ANK2: variants seen among roughly 807,000 people sequenced by gnomAD.
ANK2 encodes ankyrin-2.
A neutral mutation model predicts 360.5 loss-of-function variants in ANK2; 83 were observed. That is an observed-to-expected ratio of 0.23 (90% CI 0.19 to 0.28). The LOEUF is 0.28. Ranked by LOEUF, ANK2 falls within the 10% of genes least tolerant of loss-of-function variation. ANK2 has a pLI of 1.00. For missense variants in ANK2, 4,201 were observed against 4,795.7 expected (o/e 0.88, Z 3.66); for synonymous variants, 1,740 against 1,759.5 (o/e 0.99, Z 0.28).
intron 26 of ANK2, among the ~76,000 whole-genome samples, chr4:113,326,475 T>C (rs2090002585): frequency 1.4e-5 from 2 of 147,344 alleles, no homozygotes. Flanking sequence ...TTGTTTAGAG[T>C]ATTTTCTTGC....
chr4:113,353,255 G>A lies in ANK2; in HGVS notation c.4637G>A (p.Gly1546Glu). The stretch of plus-strand genomic sequence containing the variant: ...GTGAAGGCTGCTGAGGAAGAGCCAG[G>A]AGAGCCTTTTGAAATCGTTGAAAGA... ...ELVKAAEEEP[G>E]EPFEIVERVK... Residue 1546 changes from glycine (G) to glutamate (E), a missense_variant, in exon 38 of 46, where the codon GGA becomes GAA. Transcript: ENST00000357077. 3 of 1,613,996 alleles carry A rather than the reference G, an allele frequency of 1.9e-6. No homozygotes were observed. The highest frequency in any genetic ancestry group is 2.5e-6 in the Non-Finnish European group (3 of 1,179,950).
At chr4:112,753,071 C>T in the ANK2 span, among the ~76,000 whole-genome samples, 2 of 152,218 alleles carry the variant, frequency 1.3e-5, no homozygotes, top group Non-Finnish European at 2.9e-5. Context: ...TGGTCTCTCC[C>T]TCTTCCCAGG....
intron 1 of ANK2, among the ~76,000 whole-genome samples, chr4:113,121,274 A>G (rs2095334996): frequency 6.6e-6 from 1 of 152,188 alleles, no homozygotes; most frequent in Non-Finnish European, 1.5e-5. Context: ...CAGAGTTGGG[A>G]TTTGAATCCA....
At chr4:113,352,550 G>T (rs934652427) in intron 37 of ANK2, among the ~76,000 whole-genome samples, 15 of 152,082 alleles carry the variant, frequency 9.9e-5, no homozygotes, top group Non-Finnish European at 2.1e-4. Flanking sequence ...ATCATTAGAT[G>T]TTATTCTGAG....
At chr4:112,846,122 T>G (rs748586561) in intron 1 of ANK2, among the ~76,000 whole-genome samples, 2 of 152,096 alleles carry the variant, frequency 1.3e-5, no homozygotes, top group African/African-American at 2.4e-5. Context: ...TTTTTCTTTC[T>G]TTCTTTTTTT....
intron 1 of ANK2, among the ~76,000 whole-genome samples, chr4:112,898,889 C>T (rs1428421346): frequency 6.6e-6 from 1 of 152,090 alleles, no homozygotes; most frequent in East Asian, 1.9e-4. Context: ...TGTGTCAGCT[C>T]CATGAAGAAA....
chr4:113,247,740 T>C (rs191060583), intron 9 of ANK2, among the ~76,000 whole-genome samples: 8 of 152,334 alleles, frequency 5.3e-5, no homozygotes, highest in Non-Finnish European at 1.0e-4. Context: ...TGAGATTCAC[T>C]GCAGGGTTCC....
chr4:112,983,398 C>T (rs866728865), intron 2 of ANK2, among the ~76,000 whole-genome samples: 1 of 151,080 alleles, frequency 6.6e-6, no homozygotes, highest in Non-Finnish European at 1.5e-5. Context: ...AAAAAGAGGC[C>T]GGGCGCAGTG....
rs991383574 is a variant in ANK2 at position 113,139,483 on chromosome 4, G to A, written c.85-34933G>A. On this transcript the variant is annotated intron_variant, in intron 1 of 45. Transcript: ENST00000357077. ...ACCCTCTCTTCAAAAAAGCTGTGGG[G>A]AAGCCCCTGCTTTAGTAGTTCATCA... is the stretch of plus-strand genomic sequence containing the variant. 7.2e-5 allele frequency among the ~76,000 whole-genome samples: 11 copies of A among 152,180 alleles called. 1 individual carries two copies. The highest frequency in any genetic ancestry group is 2.9e-5 in the Non-Finnish European group (2 of 68,030).
intron 13 of ANK2, among the ~76,000 whole-genome samples, 200 bp from the exon 14 acceptor site, chr4:113,264,697 G>C (rs1189009503): frequency 2.1e-5 from 3 of 143,510 alleles, no homozygotes; most frequent in African/African-American, 7.8e-5. Context: ...ACTCCAGCCT[G>C]AGCAACAAGA....
chr4:113,111,701 G>A (rs1056792396), intron 1 of ANK2, among the ~76,000 whole-genome samples: 2 of 151,728 alleles, frequency 1.3e-5, no homozygotes, highest in Non-Finnish European at 2.9e-5. Flanking sequence ...TATATTTTTT[G>A]GAAAAAAAAC....
intron 1 of ANK2, among the ~76,000 whole-genome samples, chr4:113,147,461 C>G (rs1325373187): frequency 6.6e-6 from 1 of 152,034 alleles, no homozygotes; most frequent in Non-Finnish European, 1.5e-5. Flanking sequence ...ATTAATATAG[C>G]CTGTTAGTCA....
chr4:113,160,692 A>G (rs2097501936), intron 1 of ANK2, among the ~76,000 whole-genome samples: 1 of 152,204 alleles, frequency 6.6e-6, no homozygotes, highest in Admixed American at 6.5e-5. Context: ...TGAATAAGTC[A>G]TGGACTATTT....
chr4:112,865,588 T>C (rs979902857), intron 1 of ANK2, among the ~76,000 whole-genome samples: 1 of 152,120 alleles, frequency 6.6e-6, no homozygotes, highest in Non-Finnish European at 1.5e-5. Context: ...GAAAACAACA[T>C]GTGGTGTGGA....
the ANK2 span, among the ~76,000 whole-genome samples, chr4:112,806,420 A>G: frequency 9.8e-3 from 1,492 of 152,276 alleles, 22 homozygotes; most frequent in African/African-American, 0.033. Context: ...CACTGTGTGT[A>G]TATATACTAC....
At chr4:112,993,043 G>A (rs1169177422) in intron 2 of ANK2, among the ~76,000 whole-genome samples, 2 of 152,184 alleles carry the variant, frequency 1.3e-5, no homozygotes, top group African/African-American at 4.8e-5. Flanking sequence ...AGCACTTCAG[G>A]AGATTGAGGC....
At chr4:112,880,708 ATTC>A (rs2076462819) in intron 1 of ANK2, 1 of 152,228 alleles carries the variant, frequency 6.6e-6, no homozygotes, top group Non-Finnish European at 1.5e-5. Context: ...GTGTCCAGAA[ATTC>A]TTCTGTGTCC....
intron 1 of ANK2, among the ~76,000 whole-genome samples, chr4:112,846,641 C>T (rs1463353978): frequency 6.6e-6 from 1 of 152,080 alleles, no homozygotes; most frequent in Non-Finnish European, 1.5e-5. Flanking sequence ...AGGGCCTCTG[C>T]TCACCTTTTA....
the ANK2 span, among the ~76,000 whole-genome samples, chr4:112,805,669 C>T: frequency 6.6e-6 from 1 of 151,732 alleles, no homozygotes; most frequent in Non-Finnish European, 1.5e-5. Context: ...GCAACCTCTG[C>T]CTCCCGGGTT....
Sources: allele counts gnomAD v4.1 joint callset (sites outside exome capture counted in the v4.1 genomes callset), GRCh38; gene constraint gnomAD v4.1.1; transcripts MANE v1.5; gene names NCBI Gene and HGNC (gene_info 2026-07-23, HGNC 2026-07-21).